Variants in DLGAP3 observed in about 807,000 individuals in gnomAD.
The protein encoded by DLGAP3 is DLG associated protein 3, also known as disks large-associated protein 3.
In DLGAP3, 17 loss-of-function variants were observed where a neutral mutation model predicts 81.2. The observed-to-expected ratio is 0.21, with a 90% CI of 0.14 to 0.31. The LOEUF (loss-of-function observed/expected upper bound fraction) is 0.31. DLGAP3 is among the 10% of genes least tolerant of loss of function. DLGAP3 has a pLI of 1.00. For synonymous variants in DLGAP3, 577 were observed against 587.4 expected (o/e 0.98, Z 0.26); for missense variants, 1,124 against 1,388.0 (o/e 0.81, Z 3.02).
At position 34,867,225 on chromosome 1, in the gene DLGAP3, G is replaced by A. The variant is rs767677493; in HGVS notation, c.2578-34C>T. The A allele has an allele frequency of 2.5e-6, 4 of 1,613,482 alleles. No homozygotes were observed. The highest frequency in any genetic ancestry group is 1.7e-5 in the Admixed American group (1 of 59,992). ...GAGGAAGATGGAGGGAAAGTGATTG[G>A]TCAAGGAGGTCTGAGCCCCAGCCAG... is the stretch of plus-strand genomic sequence containing the variant. On this transcript the variant is annotated intron_variant, in intron 10 of 11. Transcript: ENST00000373347. The surrounding 1 kb of genome is among the most constrained non-coding windows in gnomAD (Gnocchi z 4.3).
intron 5 of DLGAP3, among the ~76,000 whole-genome samples, chr1:34,899,087 C>CCT (rs1557483006): frequency 7.0e-6 from 1 of 142,114 alleles, no homozygotes; most frequent in Non-Finnish European, 1.5e-5. Context: ...ATCAATTCTA[C>CCT]TTTTTTTTTT....
rs993109694 is a variant in DLGAP3, at chr1:34,867,231, G to A, written c.2578-40C>T. Reference sequence around the variant, plus strand: ...GATGGAGGGAAAGTGATTGGTCAAGGAGGTCTGAGCCCCAGCCAGGACAAG... The same window carrying A: ...GATGGAGGGAAAGTGATTGGTCAAGAAGGTCTGAGCCCCAGCCAGGACAAG... On this transcript the variant is annotated intron_variant, in intron 10 of 11. Transcript: ENST00000373347. The surrounding 1 kb of genome is among the most constrained non-coding windows in gnomAD (Gnocchi z 4.3). 1.9e-6 allele frequency: 3 copies of A among 1,613,382 alleles called. No individual in the cohort carries two copies. The African/African-American group carries it at 4.0e-5, about 22-fold the overall frequency.
At position 34,916,443 on chromosome 1, in the gene DLGAP3, G is replaced by A. The variant is rs75109782; in HGVS notation, c.-134-9006C>T. 6.2e-3 allele frequency among the ~76,000 whole-genome samples: 949 copies of A among 152,244 alleles called. 16 individuals carry two copies. Among genetic ancestry groups the A allele is most frequent in the African/African-American group, 0.021 (878 of 41,548 alleles). ...CAACTGTCCAGACCCAGTGTTAAGCGCTTTAGATGTTTTTCTTCATATAAT... is the reference window on the plus strand; with the variant it reads ...CAACTGTCCAGACCCAGTGTTAAGCACTTTAGATGTTTTTCTTCATATAAT... On this transcript the variant is annotated intron_variant, in intron 1 of 11. Coordinates refer to ENST00000373347, the MANE Select transcript of DLGAP3 (RefSeq NM_001080418.3).
rs1332682151 is a variant in DLGAP3, at chr1:34,900,624, T to A, written c.1108-351A>T. Among the ~76,000 whole-genome samples the A allele has an allele frequency of 6.6e-6, 1 of 152,134 alleles. No homozygotes were observed. The highest frequency in any genetic ancestry group is 1.5e-5 in the Non-Finnish European group (1 of 68,018). On this transcript the variant is annotated intron_variant, in intron 3 of 11. Coordinates refer to ENST00000373347, the MANE Select transcript of DLGAP3 (RefSeq NM_001080418.3). The surrounding 1 kb of genome is among the most constrained non-coding windows in gnomAD (Gnocchi z 5.6). The stretch of plus-strand genomic sequence containing the variant: ...CCTCAGTCAACCTTCTACCCCTCCT[T>A]CTCCTTCATCCTTTCAACCTGCTTA...
At chr1:34,882,012 A>G (rs1350503052) in intron 8 of DLGAP3, among the ~76,000 whole-genome samples, 3 of 152,248 alleles carry the variant, frequency 2.0e-5, no homozygotes, top group Non-Finnish European at 2.9e-5. Context: ...CAATATTACA[A>G]GAAAAATAAA....
At position 34,885,861 on chromosome 1, in the gene DLGAP3, C is replaced by T. The variant is rs967948792; in HGVS notation, c.1601-70G>A. On this transcript the variant is annotated intron_variant, in intron 6 of 11. Coordinates refer to ENST00000373347, the MANE Select transcript of DLGAP3 (RefSeq NM_001080418.3). The stretch of plus-strand genomic sequence containing the variant: ...CCTGCCTGGGTCCTGGGCCCGCGCC[C>T]GACTCCCACCCTCAAGAGGCCCTAC... The T allele has an allele frequency of 1.2e-5, 16 of 1,290,786 alleles. No homozygotes were observed. In the South Asian group the frequency reaches 1.3e-4, roughly 10 times the overall value. The allele number at this position is 1,290,786 out of a possible 1,614,324, so 80.0% of individuals were successfully genotyped here.
At chr1:34,925,952 G>C (rs1639866230) in intron 1 of DLGAP3, among the ~76,000 whole-genome samples, 1 of 152,228 alleles carries the variant, frequency 6.6e-6, no homozygotes, top group Admixed American at 6.5e-5. Context: ...GGTGCCTTAT[G>C]TGCAGATGGT....
chr1:34,901,976 T>C (rs1237859191), intron 3 of DLGAP3, among the ~76,000 whole-genome samples: 1 of 152,006 alleles, frequency 6.6e-6, no homozygotes, highest in Non-Finnish European at 1.5e-5. Context: ...TGAGATGGGA[T>C]CAAGCCCTGG....
intron 1 of DLGAP3, among the ~76,000 whole-genome samples, chr1:34,923,088 G>C (rs967416041): frequency 6.6e-6 from 1 of 151,786 alleles, no homozygotes; most frequent in South Asian, 2.1e-4. Context: ...CAATCCCCCC[G>C]TATATGCAAC....
chr1:34,893,497 CTATAAA>C (rs1241474889), intron 5 of DLGAP3, among the ~76,000 whole-genome samples: 1 of 152,154 alleles, frequency 6.6e-6, no homozygotes, highest in Non-Finnish European at 1.5e-5. Context: ...ACAAGAGCCT[CTATAAA>C]TATATTTTCC....
chr1:34,904,730 G>T lies in DLGAP3; in HGVS notation c.654C>A (p.Gly218=). 1 of 1,612,520 alleles carries T rather than the reference G, an allele frequency of 6.2e-7. No individual in the cohort carries two copies. Among genetic ancestry groups the T allele is most frequent in the Non-Finnish European group, 8.5e-7 (1 of 1,180,020 alleles). The part of the protein sequence containing the change: ...GDSYPGPGSG[G]PHTSHHHHHH... ...GATGGTGGTGATGGGAGGTGTGGGG[G>T]CCTCCAGAGCCCGGGCCGGGGTAGC... The change falls in exon 3 of 12, where the codon GGC becomes GGA. Residue 218 remains glycine, a synonymous_variant. Coordinates refer to ENST00000373347, the MANE Select transcript of DLGAP3 (RefSeq NM_001080418.3). This position sits in a 1 kb window ranked among gnomAD's most constrained non-coding sequence, Gnocchi z 8.1.
In DLGAP3 at chr1:34,865,727, G is replaced by C. The variant is rs114341307; in HGVS notation, c.*356C>G. Reference sequence around the variant, plus strand: ...AAGCCCAGCCCCGCGGGGTGGGGGAGGGGGGGACGCAGAGCCCAGATGAGG... The same window carrying C: ...AAGCCCAGCCCCGCGGGGTGGGGGACGGGGGGACGCAGAGCCCAGATGAGG... On this transcript the variant is annotated 3_prime_UTR_variant, in exon 12 of 12. Transcript: ENST00000373347. The C allele has an allele frequency of 5.5e-5, 18 of 325,724 alleles. No individual in the cohort carries two copies. The East Asian group carries it at 1.4e-3, about 26-fold the overall frequency. 20.2% of individuals were successfully genotyped at this position (325,724 alleles called of 1,614,324 possible).
intron 2 of DLGAP3, 73 bp downstream of exon 2, chr1:34,907,282 A>C (rs1639570171): frequency 6.6e-6 from 1 of 152,572 alleles, no homozygotes; most frequent in South Asian, 2.1e-4. Context: ...ACTTTGAATC[A>C]AGATTCAAAC....
At chr1:34,869,143 AC>A in intron 8 of DLGAP3, 54 bp from the exon 9 acceptor site, 1 of 1,336,724 alleles carries the variant, frequency 7.5e-7, no homozygotes, top group Non-Finnish European at 1.0e-6. Flanking sequence ...GCCAGCTCTC[AC>A]CCCCACCCCA....
At position 34,900,060 on chromosome 1, in the gene DLGAP3, G is replaced by T; in HGVS notation, c.1313+8C>A. ...GACCCCGCACCCCCCGGCCCTCCCT[G>T]TCCTTACTTGATCCTGGCCTGGTCC... On this transcript the variant is annotated splice_region_variant and intron_variant, in intron 4 of 11. Transcript: ENST00000373347. The surrounding 1 kb of genome is among the most constrained non-coding windows in gnomAD (Gnocchi z 5.6). The T allele has an allele frequency of 1.2e-6, 2 of 1,611,794 alleles. No individual in the cohort carries two copies. The highest frequency in any genetic ancestry group is 1.3e-5 in the African/African-American group (1 of 74,800).
At chr1:34,886,943 C>CTTTTTTTTTTTT (rs949966445) in intron 5 of DLGAP3, among the ~76,000 whole-genome samples, 2 of 64,300 alleles carry the variant, frequency 3.1e-5, no homozygotes, top group African/African-American at 1.2e-4. Context: ...CCCCCACCTT[C>CTTTTTTTTTTTT]TTTTTTTTTT....
chr1:34,895,917 T>TATAC lies in DLGAP3; in HGVS notation c.1386+3751_1386+3752insGTAT. Among the ~76,000 whole-genome samples, 1 of 144,584 alleles carries TATAC rather than the reference T, an allele frequency of 6.9e-6. No individual in the cohort carries two copies. The highest frequency in any genetic ancestry group is 2.2e-4 in the South Asian group (1 of 4,524). The allele number at this position is 144,584 out of a possible 152,430, so 94.9% of individuals were successfully genotyped here. A position where few individuals can be genotyped will look rare whatever the true frequency, so the allele number is the denominator to read the frequency against. On this transcript the variant is annotated intron_variant, in intron 5 of 11. Coordinates refer to ENST00000373347, the MANE Select transcript of DLGAP3 (RefSeq NM_001080418.3). This position sits in a 1 kb window ranked among gnomAD's most constrained non-coding sequence, Gnocchi z 4.5. Reference sequence around the variant, plus strand: ...CTGGACCCCTAACTTGAATCACACATACACACACACACACACACACACACA... The same window carrying TATAC: ...CTGGACCCCTAACTTGAATCACACATATACACACACACACACACACACACACACA...
At chr1:34,887,302 C>T (rs1405395907) in intron 5 of DLGAP3, among the ~76,000 whole-genome samples, 1 of 152,008 alleles carries the variant, frequency 6.6e-6, no homozygotes. Context: ...CTGGCTTAAC[C>T]TGTGGGTTCC....
In DLGAP3 at chr1:34,868,499, A is replaced by G; in HGVS notation, c.2485+106T>C. 1.1e-6 allele frequency: 1 copy of G among 931,952 alleles called. No homozygotes were observed. Among genetic ancestry groups the G allele is most frequent in the Non-Finnish European group, 1.7e-6 (1 of 578,294 alleles). 57.7% of individuals were successfully genotyped at this position (931,952 alleles called of 1,614,324 possible). ...AGAAGACCAGTGAGGCACCAACCGAAGGGGCCTCCTGTTACACTGCAGCCC... is the reference window on the plus strand; with the variant it reads ...AGAAGACCAGTGAGGCACCAACCGAGGGGGCCTCCTGTTACACTGCAGCCC... On this transcript the variant is annotated intron_variant, in intron 9 of 11. Coordinates refer to ENST00000373347, the MANE Select transcript of DLGAP3 (RefSeq NM_001080418.3). This position sits in a 1 kb window ranked among gnomAD's most constrained non-coding sequence, Gnocchi z 7.5.
Sources: allele counts gnomAD v4.1 joint callset (sites outside exome capture counted in the v4.1 genomes callset), GRCh38; gene constraint gnomAD v4.1.1; non-coding constraint Gnocchi (gnomAD v3.1); transcripts MANE v1.5; gene names NCBI Gene and HGNC (gene_info 2026-07-23, HGNC 2026-07-21).